The following SEMA3D variants were observed in gnomAD, a reference collection of about 807,000 sequenced individuals.
SEMA3D encodes the protein semaphorin 3D.
SEMA3D carries 84 observed loss-of-function variants against 100.1 expected under a neutral mutation model. That is an observed-to-expected ratio of 0.84 (90% CI 0.70 to 1.01). The LOEUF is 1.01. Among genes scored for constraint, SEMA3D ranks in the 50% least tolerant of loss-of-function variants. The probability of loss-of-function intolerance (pLI) is 0.00; values close to 1 mark genes in which losing one functional copy is unlikely to be tolerated. For missense variants in SEMA3D, 875 were observed against 934.1 expected (o/e 0.94, Z 0.82); for synonymous variants, 312 against 320.7 (o/e 0.97, Z 0.29).
chr7:85,065,414 A>T lies in SEMA3D; in HGVS notation c.718+10T>A. On this transcript the variant is annotated intron_variant, in intron 8 of 18. Transcript: ENST00000284136. ...AGACAATCAAAAGTAAACAAAAAAAAATCACAAACCATTGAGCCAGTAGTG... is the reference window on the plus strand; with the variant it reads ...AGACAATCAAAAGTAAACAAAAAAATATCACAAACCATTGAGCCAGTAGTG... The T allele has an allele frequency of 3.1e-6, 5 of 1,612,004 alleles. No individual in the cohort carries two copies. The highest frequency in any genetic ancestry group is 4.2e-6 in the Non-Finnish European group (5 of 1,178,788).
At chr7:85,116,610 TG>T (rs1295739869) in intron 3 of SEMA3D, among the ~76,000 whole-genome samples, 1 of 151,856 alleles carries the variant, frequency 6.6e-6, no homozygotes. Flanking sequence ...AACAGAATTT[TG>T]TTTCACTTAT....
intron 9 of SEMA3D, among the ~76,000 whole-genome samples, chr7:85,049,000 T>G (rs1181854644): frequency 1.3e-5 from 2 of 151,994 alleles, no homozygotes; most frequent in East Asian, 3.9e-4. Flanking sequence ...GCACTTGCTC[T>G]TTACTGTTTT....
chr7:85,187,454 C>T (rs543066452), upstream of SEMA3D, among the ~76,000 whole-genome samples: 11 of 152,168 alleles, frequency 7.2e-5, no homozygotes, highest in Non-Finnish European at 1.3e-4. Context: ...CCTCAATCCA[C>T]GGTTAATGGC....
intron 1 of SEMA3D, among the ~76,000 whole-genome samples, chr7:85,160,210 T>TA (rs150566367): frequency 0.17 from 26,280 of 152,092 alleles, 2,632 homozygotes; most frequent in Non-Finnish European, 0.23. Flanking sequence ...GTGTTTTTTT[T>TA]ACCATTGAAG....
chr7:85,211,916 T>G, the SEMA3D span, among the ~76,000 whole-genome samples: 1 of 152,104 alleles, frequency 6.6e-6, no homozygotes, highest in Middle Eastern at 3.2e-3. Flanking sequence ...CACAAAAATA[T>G]ATGTGTTAAT....
In SEMA3D at chr7:84,999,153, T is replaced by C. The variant is rs965409024; in HGVS notation, c.*287A>G. 5 of 408,904 alleles carry C rather than the reference T, an allele frequency of 1.2e-5. No individual in the cohort carries two copies. Among genetic ancestry groups the C allele is most frequent in the African/African-American group, 1.0e-4 (5 of 49,740 alleles). The allele number at this position is 408,904 out of a possible 1,614,324, so 25.3% of individuals were successfully genotyped here. On this transcript the variant is annotated 3_prime_UTR_variant, in exon 19 of 19. Coordinates refer to ENST00000284136, the MANE Select transcript of SEMA3D (RefSeq NM_001384900.1). ...GGCTTGCTTAGCTCAACTATTTACATGACAATAAATTCCAAAACTCAAAAC... is the reference window on the plus strand; with the variant it reads ...GGCTTGCTTAGCTCAACTATTTACACGACAATAAATTCCAAAACTCAAAAC...
chr7:85,140,345 A>G, intron 2 of SEMA3D: 2 of 980,914 alleles, frequency 2.0e-6, no homozygotes, highest in Non-Finnish European at 2.4e-6. Flanking sequence ...CATATAAGTT[A>G]AGGTCTGGTT....
At chr7:85,079,176 A>G (rs1787978075) in intron 5 of SEMA3D, among the ~76,000 whole-genome samples, 1 of 152,222 alleles carries the variant, frequency 6.6e-6, no homozygotes, top group Non-Finnish European at 1.5e-5. Context: ...ATAGAAAATA[A>G]TAATAAAATC....
At chr7:85,229,934 AC>A in the SEMA3D span, among the ~76,000 whole-genome samples, 1 of 152,076 alleles carries the variant, frequency 6.6e-6, no homozygotes. Context: ...AAAGAAAAAA[AC>A]TCTTCTTAAC....
At chr7:85,163,465 A>G (rs1790803634) in intron 1 of SEMA3D, among the ~76,000 whole-genome samples, 1 of 152,096 alleles carries the variant, frequency 6.6e-6, no homozygotes, top group South Asian at 2.1e-4. Context: ...ATCTGGAAAA[A>G]AAAAGGCTAT....
At chr7:85,236,425 A>G in the SEMA3D span, among the ~76,000 whole-genome samples, 1 of 151,588 alleles carries the variant, frequency 6.6e-6, no homozygotes, top group East Asian at 1.9e-4. Context: ...CTCCTGTCTC[A>G]GCCTTCTGAG....
At position 85,065,563 on chromosome 7, in the gene SEMA3D, G is replaced by GA. The variant is rs779010138; in HGVS notation, c.590-12dup. 2 of 1,610,158 alleles carry GA rather than the reference G, an allele frequency of 1.2e-6. No individual in the cohort carries two copies. The highest frequency in any genetic ancestry group is 1.1e-5 in the South Asian group (1 of 90,872). On this transcript the variant is annotated splice_polypyrimidine_tract_variant and intron_variant, in intron 7 of 18. Transcript: ENST00000284136. Reference sequence around the variant, plus strand: ...AGTAGAGGTACTCATCTGAGAGGGAGAAAAAAGTACACAGAACTTTTAAGA... The same window carrying GA: ...AGTAGAGGTACTCATCTGAGAGGGAGAAAAAAAGTACACAGAACTTTTAAGA...
intron 1 of SEMA3D, among the ~76,000 whole-genome samples, chr7:85,156,418 A>G (rs558000150): frequency 6.6e-6 from 1 of 152,112 alleles, no homozygotes; most frequent in Non-Finnish European, 1.5e-5. Flanking sequence ...TTCTTAAGAT[A>G]ATAAAGCAAT....
the SEMA3D span, among the ~76,000 whole-genome samples, chr7:85,195,309 T>G: frequency 6.6e-6 from 1 of 152,180 alleles, no homozygotes; most frequent in African/African-American, 2.4e-5. Context: ...GCCTCACAGT[T>G]GTACCCCATA....
intron 2 of SEMA3D, among the ~76,000 whole-genome samples, chr7:85,130,193 A>G (rs1210250244): frequency 6.6e-6 from 1 of 152,114 alleles, no homozygotes; most frequent in African/African-American, 2.4e-5. Context: ...TTCATATCGG[A>G]TTTGAATTTC....
intron 9 of SEMA3D, among the ~76,000 whole-genome samples, chr7:85,049,467 T>C (rs1474207420): frequency 6.6e-6 from 1 of 151,496 alleles, no homozygotes; most frequent in Non-Finnish European, 1.5e-5. Context: ...AATCTAGGAA[T>C]GTTAAGCAGT....
At chr7:85,054,860 G>A (rs1791263931) in intron 9 of SEMA3D, among the ~76,000 whole-genome samples, 2 of 152,022 alleles carry the variant, frequency 1.3e-5, no homozygotes, top group African/African-American at 4.8e-5. Context: ...ACAAATCTAA[G>A]CAGAAAAATA....
At chr7:85,030,453 C>T (rs989103511) in intron 12 of SEMA3D, among the ~76,000 whole-genome samples, 3 of 144,402 alleles carry the variant, frequency 2.1e-5, no homozygotes, top group East Asian at 1.9e-4. Context: ...ACATTTAACG[C>T]GGTAACAATT....
intron 1 of SEMA3D, among the ~76,000 whole-genome samples, chr7:85,166,881 A>C (rs777979234): frequency 5.3e-5 from 8 of 152,038 alleles, no homozygotes; most frequent in Non-Finnish European, 8.8e-5. Context: ...TTTAAAGTGG[A>C]TAAGAAAACA....
Sources: gnomAD v4.1 joint callset for allele counts (sites outside exome capture counted in the v4.1 genomes callset) on GRCh38, gnomAD v4.1.1 for gene constraint, MANE v1.5 for transcripts, NCBI Gene and HGNC (gene_info 2026-07-23, HGNC 2026-07-21) for gene names.